Variants in TGS1 observed in about 807,000 individuals in gnomAD.
The protein encoded by TGS1 is trimethylguanosine synthase.
A neutral mutation model predicts 92.2 loss-of-function variants in TGS1; 69 were observed. The ratio of observed to expected loss-of-function variants is 0.75; its 90% CI spans 0.62 to 0.91. TGS1 has a LOEUF of 0.91. Among genes scored for constraint, TGS1 ranks in the 40% least tolerant of loss-of-function variants. The pLI is 0.00. For synonymous variants in TGS1, 345 were observed against 338.1 expected (o/e 1.02, Z -0.22); for missense variants, 1,062 against 1,001.2 (o/e 1.06, Z -0.82).
intron 5 of TGS1, 55 bp downstream of exon 5, chr8:55,790,354 C>A: frequency 9.1e-7 from 1 of 1,095,442 alleles, no homozygotes; most frequent in Non-Finnish European, 1.4e-6. Flanking sequence ...CATTTGTATG[C>A]ATAAGCCAGT....
At chr8:55,809,938 G>A (rs1449318954) in intron 10 of TGS1, among the ~76,000 whole-genome samples, 1 of 152,102 alleles carries the variant, frequency 6.6e-6, no homozygotes, top group Non-Finnish European at 1.5e-5. Flanking sequence ...CTGAGCAACT[G>A]AAAAGAATTT....
rs1803738931 is a variant in TGS1 at position 55,824,495 on chromosome 8, CTAT to C, written c.2440-81_2440-79del. 2.6e-6 allele frequency: 4 copies of C among 1,544,244 alleles called. No homozygotes were observed. The African/African-American group carries it at 5.5e-5, about 21-fold the overall frequency. On this transcript the variant is annotated intron_variant, in intron 12 of 12. Coordinates refer to ENST00000260129, the MANE Select transcript of TGS1 (RefSeq NM_024831.8). Reference sequence around the variant, plus strand: ...AAAGGACTTAAAAGCCAGAGTCTTCCTATTATTTGATAAAGCAGTACAAGTGAA... The same window carrying C: ...AAAGGACTTAAAAGCCAGAGTCTTCCTATTTGATAAAGCAGTACAAGTGAA...
At chr8:55,787,093 A>G (rs754401497) in intron 4 of TGS1, 33 bp downstream of exon 4, 1 of 1,494,848 alleles carries the variant, frequency 6.7e-7, no homozygotes, top group South Asian at 1.3e-5. Context: ...CTGCCATGTA[A>G]TGGTTAGCAA....
Position 55,786,718 on chromosome 8 carries a change from A to C in TGS1, c.820A>C (p.Thr274Pro). 6.2e-7 allele frequency: 1 copy of C among 1,614,180 alleles called. No individual in the cohort carries two copies. The highest frequency in any genetic ancestry group is 8.5e-7 in the Non-Finnish European group (1 of 1,180,028). ...GCAAAGCTGTGATACAGATACTTAC[A>C]CATCTAAAACAGAAGCTGATGACAA... ...ASQSCDTDTY[T>P]SKTEADDKND... The change falls in exon 4 of 13, where the codon ACA becomes CCA. Residue 274 changes from threonine to proline, a missense_variant. Coordinates refer to ENST00000260129, the MANE Select transcript of TGS1 (RefSeq NM_024831.8).
At chr8:55,775,242 A>G (rs940381992) in intron 1 of TGS1, among the ~76,000 whole-genome samples, 1 of 18,880 alleles carries the variant, frequency 5.3e-5, no homozygotes, top group Non-Finnish European at 1.6e-4. Context: ...TCTGTCCCGA[A>G]AAAAAAAAAG....
chr8:55,801,315 G>C (rs1585776779), intron 8 of TGS1, among the ~76,000 whole-genome samples: 1 of 152,104 alleles, frequency 6.6e-6, no homozygotes, highest in Admixed American at 6.5e-5. Context: ...CTGTTGCCCA[G>C]GCTGGAGTGC....
intron 12 of TGS1, among the ~76,000 whole-genome samples, chr8:55,822,072 C>A (rs1037288337): frequency 1.3e-5 from 2 of 148,598 alleles, no homozygotes; most frequent in Admixed American, 6.7e-5. Flanking sequence ...TTTTTTCTTT[C>A]TTTCTTTTTT....
At chr8:55,782,146 CTTTATTTA>C (rs201552456) in intron 1 of TGS1, among the ~76,000 whole-genome samples, 1,938 of 150,750 alleles carry the variant, frequency 0.013, 24 homozygotes, top group Middle Eastern at 0.025. Flanking sequence ...AGAACTTACA[CTTTATTTA>C]TTTATTTATT....
intron 12 of TGS1, among the ~76,000 whole-genome samples, chr8:55,816,015 A>C (rs903505924): frequency 2.0e-5 from 3 of 151,990 alleles, no homozygotes; most frequent in Non-Finnish European, 4.4e-5. Context: ...TAGCAGTAGC[A>C]TGATCATAGC....
chr8:55,798,265 G>C (rs1330797844), intron 7 of TGS1, among the ~76,000 whole-genome samples: 1 of 152,208 alleles, frequency 6.6e-6, no homozygotes, highest in Non-Finnish European at 1.5e-5. Context: ...ATGAAGACAA[G>C]ATAGGAAGAA....
chr8:55,801,746 G>A (rs1389877619), intron 8 of TGS1, among the ~76,000 whole-genome samples: 3 of 150,176 alleles, frequency 2.0e-5, no homozygotes, highest in African/African-American at 4.9e-5. Flanking sequence ...CTACCACCAC[G>A]CCTAGCTGAT....
chr8:55,775,726 G>T (rs562156357), intron 1 of TGS1, among the ~76,000 whole-genome samples: 2 of 151,762 alleles, frequency 1.3e-5, no homozygotes, highest in East Asian at 3.9e-4. Flanking sequence ...GATTTGGAGC[G>T]CTGGAGAAGT....
At chr8:55,808,071 T>C (rs1270947067) in intron 10 of TGS1, among the ~76,000 whole-genome samples, 1 of 152,210 alleles carries the variant, frequency 6.6e-6, no homozygotes, top group Non-Finnish European at 1.5e-5. Context: ...CAAATTGCAC[T>C]GAAAATGATC....
chr8:55,788,580 C>T (rs1215661169), intron 4 of TGS1, among the ~76,000 whole-genome samples: 1 of 151,832 alleles, frequency 6.6e-6, no homozygotes, highest in Non-Finnish European at 1.5e-5. Context: ...CTCAGCCTCC[C>T]GAGTAGCTGG....
intron 10 of TGS1, 67 bp downstream of exon 10, chr8:55,805,103 C>A: frequency 7.2e-7 from 1 of 1,382,450 alleles, no homozygotes; most frequent in Non-Finnish European, 1.0e-6. Flanking sequence ...TTCCATTTTG[C>A]TACAGCCTAT....
intron 10 of TGS1, among the ~76,000 whole-genome samples, chr8:55,807,902 A>G (rs1019292304): frequency 1.3e-5 from 2 of 152,258 alleles, no homozygotes; most frequent in African/African-American, 4.8e-5. Context: ...ATACCTATCA[A>G]TGATAGTTTC....
chr8:55,775,133 A>G (rs1490893985), intron 1 of TGS1, among the ~76,000 whole-genome samples: 1 of 152,120 alleles, frequency 6.6e-6, no homozygotes, highest in Non-Finnish European at 1.5e-5. Flanking sequence ...ACATGCTTGT[A>G]GTCCCAGCTA....
chr8:55,785,531 G>C (rs999916915), intron 2 of TGS1, among the ~76,000 whole-genome samples, 188 bp from the exon 3 acceptor site: 6 of 152,016 alleles, frequency 3.9e-5, no homozygotes, highest in African/African-American at 9.7e-5. Context: ...CACACCTGCA[G>C]ATAGCCCTTA....
intron 12 of TGS1, among the ~76,000 whole-genome samples, chr8:55,816,381 G>A (rs1803478087): frequency 6.6e-6 from 1 of 152,164 alleles, no homozygotes; most frequent in Non-Finnish European, 1.5e-5. Flanking sequence ...CTTGTGGGTG[G>A]AATCTCTGAC....
Sources: allele counts gnomAD v4.1 joint callset (sites outside exome capture counted in the v4.1 genomes callset), GRCh38; gene constraint gnomAD v4.1.1; transcripts MANE v1.5; gene names NCBI Gene and HGNC (gene_info 2026-07-23, HGNC 2026-07-21).